Variants in FHDC1 observed in about 807,000 individuals in gnomAD.
FHDC1 encodes the protein FH2 domain containing 1.
A neutral mutation model predicts 52.6 loss-of-function variants in FHDC1; 25 were observed. The ratio of observed to expected loss-of-function variants is 0.48; its 90% CI spans 0.35 to 0.66. The LOEUF (loss-of-function observed/expected upper bound fraction) is 0.66, where lower values mean the gene tolerates loss of function less well. FHDC1 is among the 30% of genes least tolerant of loss of function. The pLI is 0.01. For missense variants in FHDC1, 1,459 were observed against 1,452.8 expected (o/e 1.00, Z -0.07); for synonymous variants, 616 against 581.5 (o/e 1.06, Z -0.85).
intron 10 of FHDC1, among the ~76,000 whole-genome samples, chr4:152,968,440 C>T (rs1457825417): frequency 1.3e-5 from 2 of 152,138 alleles, no homozygotes; most frequent in Non-Finnish European, 1.5e-5. Flanking sequence ...ATTCTCCTGC[C>T]TCAGCCTCCC....
intron 4 of FHDC1, among the ~76,000 whole-genome samples, chr4:152,958,306 G>GT (rs1011433307): frequency 6.6e-5 from 10 of 151,918 alleles, no homozygotes; most frequent in South Asian, 2.1e-4. Flanking sequence ...TTTAATCAAT[G>GT]TTTTTTTTGG....
At chr4:152,954,459 G>A (rs1579090086) in intron 4 of FHDC1, 140 bp downstream of exon 4, 1 of 608,630 alleles carries the variant, frequency 1.6e-6, no homozygotes, top group East Asian at 3.2e-5. Flanking sequence ...GGCAGAGGCA[G>A]ATGAATCACC....
Position 152,975,696 on chromosome 4 carries a change from G to C in FHDC1, c.2405G>C (p.Gly802Ala), listed in dbSNP as rs148080829. ...RPRGGDPEEG[G>A]EGDGSMSSGV... ...AGAGGCGGGGACCCGGAGGAAGGCG[G>C]GGAAGGGGATGGCTCCATGTCCTCT... is the stretch of plus-strand genomic sequence containing the variant. Residue 802 changes from glycine to alanine, a missense_variant, in exon 12 of 12, where the codon GGG becomes GCG. Gly to Ala is a moderately conservative substitution (Grantham distance 60). Transcript: ENST00000511601. The C allele has an allele frequency of 1.4e-4, 220 of 1,611,786 alleles. No individual in the cohort carries two copies. Among genetic ancestry groups the C allele is most frequent in the Non-Finnish European group, 1.8e-4 (214 of 1,178,812 alleles).
At chr4:152,959,777 A>G (rs1740217790) in intron 4 of FHDC1, among the ~76,000 whole-genome samples, 1 of 152,174 alleles carries the variant, frequency 6.6e-6, no homozygotes, top group Non-Finnish European at 1.5e-5. Context: ...TACCTTTTAA[A>G]AAAATTTATA....
the FHDC1 span, among the ~76,000 whole-genome samples, chr4:152,921,253 A>G: frequency 6.6e-6 from 1 of 151,926 alleles, no homozygotes; most frequent in African/African-American, 2.4e-5. Context: ...TTTCTTTTTT[A>G]GAAAAAATAT....
intron 2 of FHDC1, among the ~76,000 whole-genome samples, chr4:152,949,118 TAATAATAAGAAG>T (rs1487445144): frequency 1.2e-3 from 92 of 75,866 alleles, no homozygotes; most frequent in African/African-American, 2.7e-3. Flanking sequence ...ATAATAATAA[TAATAATAAGAAG>T]AAGAAGAAGA....
chr4:152,976,128 G>A lies in FHDC1; in HGVS notation c.2837G>A (p.Arg946Gln), dbSNP rs1740870203. The A allele has an allele frequency of 3.7e-6, 6 of 1,611,322 alleles. No individual in the cohort carries two copies. The African/African-American group carries it at 4.0e-5, about 11-fold the overall frequency. Reference sequence around the variant, plus strand: ...GTGTGGTCACGCCAGAACTCCGTGCGGAGGGCCTCCACAGGCGCCGAAGAG... The same window carrying A: ...GTGTGGTCACGCCAGAACTCCGTGCAGAGGGCCTCCACAGGCGCCGAAGAG... ...DTVWSRQNSV[R>Q]RASTGAEEQR... The change falls in exon 12 of 12, where the codon CGG becomes CAG. Residue 946 changes from arginine to glutamine, a missense_variant. Physicochemically the swap from Arg to Gln is conservative, Grantham distance 43. Transcript: ENST00000511601.
intron 2 of FHDC1, among the ~76,000 whole-genome samples, chr4:152,953,167 C>T (rs1739979149): frequency 6.6e-6 from 1 of 151,974 alleles, no homozygotes; most frequent in African/African-American, 2.4e-5. Context: ...CATTTCATAT[C>T]CCACTAAACT....
At chr4:152,914,384 T>C in the FHDC1 span, among the ~76,000 whole-genome samples, 1 of 141,230 alleles carries the variant, frequency 7.1e-6, no homozygotes. Context: ...CTTAGTAGTT[T>C]ATGTATGTTA....
chr4:152,972,492 G>A lies in FHDC1; in HGVS notation c.1334G>A (p.Cys445Tyr). The A allele has an allele frequency of 6.2e-7, 1 of 1,613,872 alleles. No individual in the cohort carries two copies. The highest frequency in any genetic ancestry group is 8.5e-7 in the Non-Finnish European group (1 of 1,179,926). Residue 445 changes from cysteine (C) to tyrosine (Y), a missense_variant, in exon 11 of 12, where the codon TGC becomes TAC. Transcript: ENST00000511601. ...AAAAAAACCATGAAACTGGATGAATGCTTTCAGATATTTAGAGATTTCTGT... is the reference window on the plus strand; with the variant it reads ...AAAAAAACCATGAAACTGGATGAATACTTTCAGATATTTAGAGATTTCTGT... The part of the protein sequence containing the change: ...EDKKTMKLDE[C>Y]FQIFRDFCTK...
At chr4:152,915,096 A>AAC in the FHDC1 span, among the ~76,000 whole-genome samples, 1 of 152,202 alleles carries the variant, frequency 6.6e-6, no homozygotes, top group Non-Finnish European at 1.5e-5. Flanking sequence ...TTTTTATAAA[A>AAC]ACTGCCTAAG....
At chr4:152,937,461 A>G (rs1579076914) in intron 1 of FHDC1, among the ~76,000 whole-genome samples, 1 of 151,686 alleles carries the variant, frequency 6.6e-6, no homozygotes, top group African/African-American at 2.4e-5. Context: ...TGGGCTTTCC[A>G]GCGTGGGCCC....
intron 6 of FHDC1, among the ~76,000 whole-genome samples, chr4:152,962,557 A>G (rs1264718557): frequency 1.3e-5 from 2 of 152,188 alleles, no homozygotes; most frequent in African/African-American, 2.4e-5. Flanking sequence ...GAAAATTTTT[A>G]TTATTGAACT....
At chr4:152,942,877 A>T (rs1739612935) in intron 1 of FHDC1, 51 bp from the exon 2 acceptor site, 2 of 637,084 alleles carry the variant, frequency 3.1e-6, no homozygotes, top group Non-Finnish European at 5.2e-6. Flanking sequence ...GGAAATGCTG[A>T]TGCGAAACTG....
intron 8 of FHDC1, among the ~76,000 whole-genome samples, 200 bp downstream of exon 8, chr4:152,963,330 G>A (rs975150500): frequency 2.0e-5 from 3 of 152,216 alleles, no homozygotes; most frequent in African/African-American, 7.2e-5. Flanking sequence ...AGGGAAGTGG[G>A]AGAGTGAAGC....
chr4:152,941,917 A>T (rs1739583432), intron 1 of FHDC1, among the ~76,000 whole-genome samples: 1 of 152,290 alleles, frequency 6.6e-6, no homozygotes, highest in South Asian at 2.1e-4. Flanking sequence ...AATAGCCTGC[A>T]TGGCGTCCTT....
At chr4:152,937,916 G>C (rs952711438) in intron 1 of FHDC1, among the ~76,000 whole-genome samples, 3 of 152,112 alleles carry the variant, frequency 2.0e-5, no homozygotes, top group African/African-American at 7.2e-5. Context: ...CCGGGGTGCC[G>C]GGTTGGGGAT....
intron 11 of FHDC1, 100 bp downstream of exon 11, chr4:152,972,641 C>T: frequency 7.3e-7 from 1 of 1,371,892 alleles, no homozygotes; most frequent in South Asian, 1.5e-5. Flanking sequence ...CTTTGCATCT[C>T]CACGGTTTCG....
At chr4:152,961,980 C>CA (rs1406765329) in intron 6 of FHDC1, among the ~76,000 whole-genome samples, 1 of 152,098 alleles carries the variant, frequency 6.6e-6, no homozygotes, top group African/African-American at 2.4e-5. Context: ...TCTTAGATAA[C>CA]ACAATATAGG....
Sources: gnomAD v4.1 joint callset for allele counts (sites outside exome capture counted in the v4.1 genomes callset) on GRCh38, gnomAD v4.1.1 for gene constraint, MANE v1.5 for transcripts, NCBI Gene and HGNC (gene_info 2026-07-23, HGNC 2026-07-21) for gene names.